Variants in LINGO1 observed in about 807,000 individuals in gnomAD.
LINGO1 encodes leucine rich repeat and Ig domain containing 1.
LINGO1 carries 11 observed loss-of-function variants against 37.3 expected under a neutral mutation model. That is an observed-to-expected ratio of 0.29 (90% CI 0.19 to 0.49). The LOEUF is 0.49. Ranked by LOEUF, LINGO1 falls within the 20% of genes least tolerant of loss-of-function variation. LINGO1 has a pLI of 0.99. For missense variants in LINGO1, 585 were observed against 878.2 expected, an observed-to-expected ratio of 0.67 and a Z score of 4.22; for synonymous variants, 387 against 403.0, an observed-to-expected ratio of 0.96 and a Z score of 0.48.
chr15:77,705,648 C>G (rs1158400056), intron 2 of LINGO1, among the ~76,000 whole-genome samples: 1 of 152,232 alleles, frequency 6.6e-6, no homozygotes, highest in Non-Finnish European at 1.5e-5. Flanking sequence ...GGCACTGCCA[C>G]GCTCGGAAAG....
chr15:77,664,130 A>AGTGTGTGTGTGTGT (rs774494605), intron 3 of LINGO1, among the ~76,000 whole-genome samples: 168 of 130,366 alleles, frequency 1.3e-3, no homozygotes, highest in African/African-American at 1.9e-3. Flanking sequence ...ACACAGGAGC[A>AGTGTGTGTGTGTGT]GTGTGTGTGT....
intron 1 of LINGO1, among the ~76,000 whole-genome samples, chr15:77,742,364 G>A (rs1840199964): frequency 1.3e-5 from 2 of 152,198 alleles, no homozygotes; most frequent in South Asian, 2.1e-4. Flanking sequence ...AGAGCCACTC[G>A]ATGGCCACTT....
rs1256458061 is a variant in LINGO1, at chr15:77,614,997, C to T, written c.910G>A (p.Gly304Ser). Residue 304 changes from glycine to serine, a missense_variant, in exon 2 of 2, where the codon GGC becomes AGC. Around this residue, in one of 4 missense-constraint regions of LINGO1, gnomAD observed 484 missense variants for 735.0 expected, o/e 0.66. Coordinates refer to ENST00000355300, the MANE Select transcript of LINGO1 (RefSeq NM_032808.7). ...LSYNPISTIE[G>S]SMLHELLRLQ... is the part of the protein sequence containing the mutation. ...CGGAGCAGCTCATGCAACATGGAGCCCTCAATGGTGCTGATGGGGTTGTAG... is the reference window on the plus strand; with the variant it reads ...CGGAGCAGCTCATGCAACATGGAGCTCTCAATGGTGCTGATGGGGTTGTAG... 1 of 1,613,986 alleles carries T rather than the reference C, an allele frequency of 6.2e-7. No individual in the cohort carries two copies. The highest frequency in any genetic ancestry group is 8.5e-7 in the Non-Finnish European group (1 of 1,179,884).
chr15:77,813,353 T>G (rs772255087), intron 1 of LINGO1, among the ~76,000 whole-genome samples: 2 of 152,170 alleles, frequency 1.3e-5, no homozygotes, highest in Non-Finnish European at 2.9e-5. Context: ...ACAGCCCATC[T>G]GATTGGCTGG....
intron 1 of LINGO1, among the ~76,000 whole-genome samples, chr15:77,735,861 C>G (rs1338070411): frequency 6.6e-6 from 1 of 152,212 alleles, no homozygotes; most frequent in East Asian, 1.9e-4. Context: ...CTCATACACA[C>G]ACATGCATGT....
chr15:77,672,176 TCTCCCCAC>T (rs1698232459), intron 3 of LINGO1, among the ~76,000 whole-genome samples: 1 of 75,894 alleles, frequency 1.3e-5, no homozygotes, highest in African/African-American at 5.5e-5. Flanking sequence ...GCTCCCCAGC[TCTCCCCAC>T]CTCCCCTCCA....
At chr15:77,806,305 ATTTAT>A (rs2076959168) in intron 1 of LINGO1, among the ~76,000 whole-genome samples, 1 of 151,980 alleles carries the variant, frequency 6.6e-6, no homozygotes, top group Non-Finnish European at 1.5e-5. Context: ...TCCGATTCCA[ATTTAT>A]TTTCTATCAT....
Position 77,614,109 on chromosome 15 carries a change from G to A in LINGO1, c.1798C>T (p.Arg600Ter). 6.2e-7 allele frequency: 1 copy of A among 1,613,854 alleles called. No individual in the cohort carries two copies. The highest frequency in any genetic ancestry group is 8.5e-7 in the Non-Finnish European group (1 of 1,179,828). The stretch of plus-strand genomic sequence containing the variant: ...GAGCTGATGCCTGCGTCCGACTTTC[G>A]GGGCACATACTCGATCTCGATGTTG... ...KHNIEIEYVP[R>*]KSDAGISSAD... The change falls in exon 2 of 2, where the codon CGA becomes TGA. Residue 600 changes from arginine (R) to a stop codon, truncating the protein, a stop_gained. Coordinates refer to ENST00000355300, the MANE Select transcript of LINGO1 (RefSeq NM_032808.7). LOFTEE classifies it high-confidence loss of function.
intron 2 of LINGO1, among the ~76,000 whole-genome samples, chr15:77,792,669 A>G (rs1388189234): frequency 6.6e-6 from 1 of 152,068 alleles, no homozygotes; most frequent in Admixed American, 6.5e-5. Flanking sequence ...TGTGGCATTT[A>G]TTACTCCCTA....
chr15:77,749,829 G>A (rs918259641), intron 1 of LINGO1, among the ~76,000 whole-genome samples: 1 of 152,200 alleles, frequency 6.6e-6, no homozygotes, highest in African/African-American at 2.4e-5. Flanking sequence ...GGCATGTCTG[G>A]AGCCCAAGGG....
chr15:77,680,104 G>A (rs527549253), intron 2 of LINGO1, among the ~76,000 whole-genome samples: 2 of 152,310 alleles, frequency 1.3e-5, no homozygotes, highest in African/African-American at 2.4e-5. Context: ...TTCAGAGCCC[G>A]TGCGTGACCT....
At chr15:77,736,959 G>A (rs2076209971) in intron 1 of LINGO1, among the ~76,000 whole-genome samples, 2 of 152,156 alleles carry the variant, frequency 1.3e-5, no homozygotes, top group South Asian at 4.1e-4. Flanking sequence ...GAGCTTTCAT[G>A]GTGCTGCACT....
At chr15:77,638,381 TA>T (rs915364601), upstream of LINGO1, among the ~76,000 whole-genome samples, 33 of 151,964 alleles carry the variant, frequency 2.2e-4, no homozygotes, top group African/African-American at 4.1e-4. Context: ...TGCACTCCTT[TA>T]AAAAAAATTA....
chr15:77,781,864 G>C (rs1192564311), intron 1 of LINGO1, among the ~76,000 whole-genome samples: 1 of 152,236 alleles, frequency 6.6e-6, no homozygotes, highest in Non-Finnish European at 1.5e-5. Flanking sequence ...CCCCCGGCCA[G>C]AGCTGCTGCC....
intron 1 of LINGO1, among the ~76,000 whole-genome samples, chr15:77,769,475 G>A (rs1248591683): frequency 6.6e-6 from 1 of 152,202 alleles, no homozygotes; most frequent in Non-Finnish European, 1.5e-5. Context: ...CTGATGGAGT[G>A]GCCAGGGTCA....
chr15:77,613,778 C>T lies in LINGO1; in HGVS notation c.*266G>A, dbSNP rs1021120944. 1.5e-5 allele frequency: 7 copies of T among 468,098 alleles called. No individual in the cohort carries two copies. The highest frequency in any genetic ancestry group is 1.9e-5 in the African/African-American group (1 of 52,404). The allele number at this position is 468,098 out of a possible 1,614,324, so 29.0% of individuals were successfully genotyped here. ...TTTTTTATTGAATTATTGACTCTGC[C>T]GCGTGTCGGTTCGTCGGCTTTCAAC... On this transcript the variant is annotated 3_prime_UTR_variant, in exon 2 of 2. Transcript: ENST00000355300.
chr15:77,776,488 A>AGGAAGGCAGGAAG lies in LINGO1; in HGVS notation c.-257+10380_-257+10381insCTTCCTGCCTTCC, dbSNP rs1567577582. On this transcript the variant is annotated intron_variant, in intron 1 of 3. Transcript: ENST00000561686. ...AGGCAGGAAGGCAGGAAGGCAGGAA[A>AGGAAGGCAGGAAG]GCAGGAAGGCAGGAAGGCAGGAAGG... is the stretch of plus-strand genomic sequence containing the variant. 4.7e-3 allele frequency among the ~76,000 whole-genome samples: 422 copies of AGGAAGGCAGGAAG among 90,684 alleles called. 2 individuals carry two copies. Among genetic ancestry groups the AGGAAGGCAGGAAG allele is most frequent in the Non-Finnish European group, 6.3e-3 (299 of 47,588 alleles). 59.5% of individuals were successfully genotyped at this position (90,684 alleles called of 152,430 possible). A position where few individuals can be genotyped will look rare whatever the true frequency, so the allele number is the denominator to read the frequency against.
Position 77,716,773 on chromosome 15 carries a change from C to T in LINGO1, c.-195+18219G>A, listed in dbSNP as rs1389722517. Among the ~76,000 whole-genome samples the T allele has an allele frequency of 2.0e-5, 3 of 150,144 alleles. 1 individual carries two copies. Among genetic ancestry groups the T allele is most frequent in the Non-Finnish European group, 4.4e-5 (3 of 67,446 alleles). On this transcript the variant is annotated intron_variant, in intron 2 of 3. Coordinates refer to the LINGO1 transcript ENST00000561686. Reference sequence around the variant, plus strand: ...AGATGTCAGCATTTCAAACCTCAGTCCCCCCATGTGATAAGATCCCTTTGT... The same window carrying T: ...AGATGTCAGCATTTCAAACCTCAGTTCCCCCATGTGATAAGATCCCTTTGT...
At chr15:77,665,050 C>G (rs2075100772) in intron 3 of LINGO1, among the ~76,000 whole-genome samples, 1 of 152,190 alleles carries the variant, frequency 6.6e-6, no homozygotes, top group Non-Finnish European at 1.5e-5. Flanking sequence ...ATACAGGTCC[C>G]TGCCTGTGCA....
Sources: allele counts gnomAD v4.1 joint callset (sites outside exome capture counted in the v4.1 genomes callset), GRCh38; gene constraint gnomAD v4.1.1; regional missense constraint gnomAD v4.1.1; transcripts MANE v1.5; gene names NCBI Gene and HGNC (gene_info 2026-07-23, HGNC 2026-07-21).